The following HERC5 variants were observed in gnomAD, a reference collection of about 807,000 sequenced individuals.
HERC5 encodes the protein E3 ISG15--protein ligase HERC5.
HERC5 carries 99 observed loss-of-function variants against 119.6 expected under a neutral mutation model. That is an observed-to-expected ratio of 0.83 (90% CI 0.70 to 0.98). HERC5 has a LOEUF of 0.98. Among genes scored for constraint, HERC5 ranks in the 50% least tolerant of loss-of-function variants. HERC5 has a pLI of 0.00. For synonymous variants in HERC5, 478 were observed against 445.9 expected (o/e 1.07, Z -0.91); for missense variants, 1,267 against 1,241.3 (o/e 1.02, Z -0.31).
rs1463767245 is a variant in HERC5 at position 88,504,575 on chromosome 4, G to A, written c.2847G>A (p.Leu949=). 3 of 1,562,020 alleles carry A rather than the reference G, an allele frequency of 1.9e-6. No individual in the cohort carries two copies. The highest frequency in any genetic ancestry group is 1.4e-5 in the African/African-American group (1 of 72,460). ...GGAAGGCTTTCCACAAATTGACTCT[G>A]GAAGAAAAGAAAAAATTCCTTGGTA... ...MFWKAFHKLT[L]EEKKKFLVFL... Residue 949 remains leucine (L), a synonymous_variant, in exon 22 of 23, where the codon CTG becomes CTA. Coordinates refer to ENST00000264350, the MANE Select transcript of HERC5 (RefSeq NM_016323.4).
chr4:88,461,080 T>G (rs1240997216), intron 3 of HERC5, among the ~76,000 whole-genome samples: 1 of 152,154 alleles, frequency 6.6e-6, no homozygotes, highest in African/African-American at 2.4e-5. Flanking sequence ...TTTGTTAATA[T>G]ATAGGACAGA....
At chr4:88,494,674 T>C (rs974909012) in intron 18 of HERC5, among the ~76,000 whole-genome samples, 3 of 152,212 alleles carry the variant, frequency 2.0e-5, no homozygotes, top group Admixed American at 6.5e-5. Context: ...TGGAAACTTA[T>C]TTCTAAGTTA....
intron 9 of HERC5, 124 bp from the exon 10 acceptor site, chr4:88,470,490 A>T (rs1346778421): frequency 1.7e-6 from 1 of 600,260 alleles, no homozygotes; most frequent in African/African-American, 1.9e-5. Context: ...ATAGGAGACA[A>T]ATGGAGAGGT....
chr4:88,472,641 A>C (rs191942514), intron 11 of HERC5, 139 bp downstream of exon 11: 1 of 664,906 alleles, frequency 1.5e-6, no homozygotes, highest in African/African-American at 1.8e-5. Flanking sequence ...AAACTCAGAT[A>C]ACATTTAGGA....
chr4:88,500,110 G>T (rs993153430), intron 19 of HERC5, 118 bp downstream of exon 19: 19 of 662,592 alleles, frequency 2.9e-5, no homozygotes, highest in Middle Eastern at 4.0e-4. Context: ...AGTGAAAAAG[G>T]TATTGTTCTT....
In HERC5 at chr4:88,460,121, AAAT is replaced by A; in HGVS notation, c.420_422del (p.Ile141del). 1 of 1,586,924 alleles carries A rather than the reference AAAT, an allele frequency of 6.3e-7. No individual in the cohort carries two copies. Among genetic ancestry groups the A allele is most frequent in the Non-Finnish European group, 8.6e-7 (1 of 1,157,880 alleles). On this transcript the variant is annotated inframe_deletion, in exon 3 of 23. Coordinates refer to ENST00000264350, the MANE Select transcript of HERC5 (RefSeq NM_016323.4). The stretch of plus-strand genomic sequence containing the variant: ...TTTGAAAGCATTTTACAAGAAAAAA[AAAT>A]AATTCAGATCACATGTGGAGATTAC...
At chr4:88,487,214 C>G in intron 15 of HERC5, 35 bp downstream of exon 15, 1 of 1,186,734 alleles carries the variant, frequency 8.4e-7, no homozygotes, top group Non-Finnish European at 1.3e-6. Context: ...TAGCATAAAT[C>G]ACATGCTAAG....
rs747345070 is a variant in HERC5 at position 88,494,282 on chromosome 4, C to G, written c.2395C>G (p.Gln799Glu). 1.7e-5 allele frequency: 27 copies of G among 1,613,024 alleles called. No homozygotes were observed. Among genetic ancestry groups the G allele is most frequent in the East Asian group, 2.2e-5 (1 of 44,766 alleles). The change falls in exon 18 of 23, where the codon CAA (glutamine) becomes GAA (glutamate). Residue 799 changes from glutamine (Q) to glutamate (E), a missense_variant. Coordinates refer to ENST00000264350, the MANE Select transcript of HERC5 (RefSeq NM_016323.4). Reference sequence around the variant, plus strand: ...GGCACTGTTTAAGAAACTTTTGGACCAAATGCCATCATTGGAAGACTTGAA... The same window carrying G: ...GGCACTGTTTAAGAAACTTTTGGACGAAATGCCATCATTGGAAGACTTGAA... Reference protein sequence around the residue: ...PLALFKKLLDQMPSLEDLKEL... With the variant: ...PLALFKKLLDEMPSLEDLKEL...
In HERC5 at chr4:88,463,588, G is replaced by A. The variant is rs778345432; in HGVS notation, c.745G>A (p.Ala249Thr). ...GLDNQKVEFV[A>T]CGGSHSALLT... ...AGACAATCAGAAAGTTGAATTTGTC[G>A]CTTGTGGTGGCTCTCACAGTGCCCT... The change falls in exon 5 of 23, where the codon GCT becomes ACT. Residue 249 changes from alanine to threonine, a missense_variant. Ala to Thr is a moderately conservative substitution (Grantham distance 58). Coordinates refer to ENST00000264350, the MANE Select transcript of HERC5 (RefSeq NM_016323.4). The A allele has an allele frequency of 3.7e-5, 60 of 1,613,780 alleles. No individual in the cohort carries two copies. The highest frequency in any genetic ancestry group is 1.6e-4 in the Middle Eastern group (1 of 6,082).
At chr4:88,465,875 C>T (rs966776771) in intron 6 of HERC5, among the ~76,000 whole-genome samples, 1 of 152,200 alleles carries the variant, frequency 6.6e-6, no homozygotes, top group Non-Finnish European at 1.5e-5. Context: ...CCCCTTGGAG[C>T]AGGTGGATGG....
In HERC5 at chr4:88,457,377, T is replaced by C; in HGVS notation, c.108T>C (p.Phe36=). The C allele has an allele frequency of 7.1e-7, 1 of 1,417,652 alleles. No homozygotes were observed. Among genetic ancestry groups the C allele is most frequent in the Non-Finnish European group, 9.2e-7 (1 of 1,086,752 alleles). 87.8% of individuals were successfully genotyped at this position (1,417,652 alleles called of 1,614,324 possible). The change falls in exon 1 of 23, where the codon TTT becomes TTC. Residue 36 remains phenylalanine (F), a synonymous_variant. Transcript: ENST00000264350. ...AKSPGAQLWL[F]PSAAGLHRAL... ...CTCCGGGCGCACAGCTCTGGCTCTT[T>C]CCCAGCGCCGCGGGCCTCCACCGCG...
At chr4:88,463,324 G>T (rs1359441810) in intron 4 of HERC5, among the ~76,000 whole-genome samples, 1 of 152,220 alleles carries the variant, frequency 6.6e-6, no homozygotes, top group Non-Finnish European at 1.5e-5. Flanking sequence ...TCACAGGTGG[G>T]TGCCCCTAAG....
At chr4:88,469,284 T>C in intron 9 of HERC5, 24 bp downstream of exon 9, 1 of 1,433,086 alleles carries the variant, frequency 7.0e-7, no homozygotes, top group Non-Finnish European at 9.8e-7. Context: ...TCTGACTCTC[T>C]GCTTATATAT....
chr4:88,465,489 TA>T (rs1303844165), intron 6 of HERC5, among the ~76,000 whole-genome samples: 1 of 152,228 alleles, frequency 6.6e-6, no homozygotes, highest in Non-Finnish European at 1.5e-5. Flanking sequence ...TGGGTAATAT[TA>T]TTAAGGTAGA....
chr4:88,475,117 CTTT>C (rs764084976), intron 11 of HERC5, among the ~76,000 whole-genome samples: 5 of 109,942 alleles, frequency 4.5e-5, no homozygotes, highest in Middle Eastern at 4.1e-3. Context: ...CGGATTTTGT[CTTT>C]TTTTTTTTTT....
chr4:88,485,125 G>A (rs1741412222), intron 13 of HERC5, among the ~76,000 whole-genome samples: 1 of 152,022 alleles, frequency 6.6e-6, no homozygotes, highest in South Asian at 2.1e-4. Context: ...GCTCTGGGAA[G>A]GTATATTCTA....
chr4:88,486,180 C>CA lies in HERC5; in HGVS notation c.1805dup (p.Asn602LysfsTer36). On this transcript the variant is annotated frameshift_variant, in exon 14 of 23. Coordinates refer to ENST00000264350, the MANE Select transcript of HERC5 (RefSeq NM_016323.4). LOFTEE classifies it high-confidence loss of function. The stretch of plus-strand genomic sequence containing the variant: ...AAGTAGACGAACTCTTGCACCGTCT[C>CA]AATTTTTTTGTAGAAGTATGCAGAA... The CA allele has an allele frequency of 6.2e-7, 1 of 1,612,446 alleles. No individual in the cohort carries two copies. The highest frequency in any genetic ancestry group is 8.5e-7 in the Non-Finnish European group (1 of 1,178,956).
chr4:88,465,334 C>G (rs1740623411), intron 6 of HERC5, among the ~76,000 whole-genome samples: 1 of 152,196 alleles, frequency 6.6e-6, no homozygotes, highest in Admixed American at 6.5e-5. Context: ...GTTTTTCCCT[C>G]ACTAAACGTA....
intron 10 of HERC5, among the ~76,000 whole-genome samples, chr4:88,472,187 C>A (rs1318638520): frequency 6.6e-6 from 1 of 151,992 alleles, no homozygotes; most frequent in Non-Finnish European, 1.5e-5. Flanking sequence ...AAGACAGCAT[C>A]TGAGTTAAAG....
Sources: gnomAD v4.1 joint callset for allele counts (sites outside exome capture counted in the v4.1 genomes callset) on GRCh38, gnomAD v4.1.1 for gene constraint, MANE v1.5 for transcripts, NCBI Gene and HGNC (gene_info 2026-07-23, HGNC 2026-07-21) for gene names.